UNC5C: variants seen among roughly 807,000 people sequenced by gnomAD.
UNC5C encodes the protein unc-5 netrin receptor C, also known as netrin receptor UNC5C.
In UNC5C, 47 loss-of-function variants were observed where a neutral mutation model predicts 99.8. The observed-to-expected ratio is 0.47, with a 90% CI of 0.37 to 0.60. UNC5C has a LOEUF of 0.60. Among genes scored for constraint, UNC5C ranks in the 20% least tolerant of loss-of-function variants. The pLI is 0.00. For missense variants in UNC5C, 1,062 were observed against 1,165.9 expected, an observed-to-expected ratio of 0.91 and a Z score of 1.30; for synonymous variants, 487 against 452.2, an observed-to-expected ratio of 1.08 and a Z score of -0.98.
intron 1 of UNC5C, among the ~76,000 whole-genome samples, chr4:95,378,598 A>C (rs1236533393): frequency 2.6e-5 from 4 of 152,210 alleles, no homozygotes; most frequent in African/African-American, 9.6e-5. Context: ...GTCCCAGTAC[A>C]TGGCATACCA....
intron 1 of UNC5C, among the ~76,000 whole-genome samples, chr4:95,432,123 T>C (rs1443771151): frequency 6.6e-6 from 1 of 152,142 alleles, no homozygotes; most frequent in Admixed American, 6.6e-5. Flanking sequence ...TCAAGTTTGG[T>C]TCTCCAATCA....
At chr4:95,297,035 G>C (rs987024663) in intron 3 of UNC5C, among the ~76,000 whole-genome samples, 2 of 152,120 alleles carry the variant, frequency 1.3e-5, no homozygotes, top group Non-Finnish European at 2.9e-5. Flanking sequence ...ACATGCTGGT[G>C]GGGTAGGGAG....
At chr4:95,350,884 A>T (rs1024614092) in intron 1 of UNC5C, among the ~76,000 whole-genome samples, 1 of 152,116 alleles carries the variant, frequency 6.6e-6, no homozygotes, top group African/African-American at 2.4e-5. Context: ...GCTGTGATTG[A>T]GACCACAATT....
intron 1 of UNC5C, among the ~76,000 whole-genome samples, chr4:95,464,734 T>C (rs113759722): frequency 7.9e-5 from 12 of 152,346 alleles, no homozygotes; most frequent in African/African-American, 2.9e-4. Flanking sequence ...TCTTATTTTC[T>C]TATCATGAGC....
chr4:95,335,272 A>G (rs1388622749), intron 2 of UNC5C, 138 bp downstream of exon 2: 1 of 801,036 alleles, frequency 1.2e-6, no homozygotes, highest in African/African-American at 1.7e-5. Flanking sequence ...ACCAAACCTT[A>G]ACCAAACCAA....
intron 4 of UNC5C, among the ~76,000 whole-genome samples, chr4:95,256,601 G>T (rs1305574888): frequency 6.6e-6 from 1 of 150,994 alleles, no homozygotes; most frequent in African/African-American, 2.4e-5. Flanking sequence ...AAACTCAACT[G>T]TCTATTTTCA....
At chr4:95,477,994 G>A (rs1196703911) in intron 1 of UNC5C, among the ~76,000 whole-genome samples, 2 of 151,576 alleles carry the variant, frequency 1.3e-5, no homozygotes, top group Non-Finnish European at 1.5e-5. Flanking sequence ...AAAGTGCTTC[G>A]AACAGTGCAT....
intron 1 of UNC5C, among the ~76,000 whole-genome samples, chr4:95,375,872 T>C (rs1744880212): frequency 6.6e-6 from 1 of 152,024 alleles, no homozygotes; most frequent in South Asian, 2.1e-4. Context: ...GGTCAGGAGA[T>C]TGAGACCATC....
chr4:95,296,849 T>G (rs1459141951), intron 3 of UNC5C, among the ~76,000 whole-genome samples: 1 of 152,368 alleles, frequency 6.6e-6, no homozygotes, highest in African/African-American at 2.4e-5. Context: ...AGTATTTTTC[T>G]TTATAATTAA....
intron 1 of UNC5C, among the ~76,000 whole-genome samples, chr4:95,547,377 C>T (rs1288581102): frequency 6.6e-6 from 1 of 152,146 alleles, no homozygotes; most frequent in Non-Finnish European, 1.5e-5. Flanking sequence ...CGCTCTCCTC[C>T]GCTTCCAACA....
chr4:95,378,728 A>T (rs1744974330), intron 1 of UNC5C, among the ~76,000 whole-genome samples: 1 of 152,204 alleles, frequency 6.6e-6, no homozygotes, highest in African/African-American at 2.4e-5. Context: ...ATGTGGTTTT[A>T]AAATCTTGAC....
At chr4:95,447,101 G>C (rs1162230342) in intron 1 of UNC5C, among the ~76,000 whole-genome samples, 1 of 152,092 alleles carries the variant, frequency 6.6e-6, no homozygotes, top group African/African-American at 2.4e-5. Flanking sequence ...TCATAATGTT[G>C]TATTTTATCT....
Position 95,312,283 on chromosome 4 carries a change from G to A in UNC5C, c.347-10534C>T, listed in dbSNP as rs887865312. On this transcript the variant is annotated intron_variant, in intron 2 of 15. Transcript: ENST00000453304. ...TACTAAGACTAGAGATAAAATAGTT[G>A]TTCATTGAGCATAGGCCCTGTCCTA... is the stretch of plus-strand genomic sequence containing the variant. Among the ~76,000 whole-genome samples the A allele has an allele frequency of 3.9e-5, 6 of 152,080 alleles. 1 individual carries two copies. The highest frequency in any genetic ancestry group is 3.9e-4 in the Admixed American group (6 of 15,258).
chr4:95,351,168 C>A (rs1323915503), intron 1 of UNC5C, among the ~76,000 whole-genome samples: 1 of 152,046 alleles, frequency 6.6e-6, no homozygotes, highest in African/African-American at 2.4e-5. Context: ...TGGACATTAG[C>A]CCTTGCTAAC....
chr4:95,479,251 AT>A, intron 1 of UNC5C, among the ~76,000 whole-genome samples: 1 of 152,040 alleles, frequency 6.6e-6, no homozygotes, highest in South Asian at 2.1e-4. Flanking sequence ...CAAATATTAT[AT>A]TCCATTAACT....
chr4:95,396,231 T>G (rs546868564), intron 1 of UNC5C, among the ~76,000 whole-genome samples: 21 of 152,146 alleles, frequency 1.4e-4, no homozygotes, highest in Non-Finnish European at 2.9e-4. Flanking sequence ...GAATTCAGGA[T>G]ATGTTGCTCA....
intron 4 of UNC5C, among the ~76,000 whole-genome samples, chr4:95,254,634 A>G (rs1739885457): frequency 6.6e-6 from 1 of 152,222 alleles, no homozygotes; most frequent in South Asian, 2.1e-4. Context: ...TTACCAAATC[A>G]AAATATGCAT....
intron 1 of UNC5C, among the ~76,000 whole-genome samples, chr4:95,376,002 G>C (rs1744884928): frequency 2.0e-5 from 3 of 151,976 alleles, no homozygotes; most frequent in Non-Finnish European, 2.9e-5. Flanking sequence ...GCAGTGAGCC[G>C]AGATCATGCC....
rs897801530 is a variant in UNC5C at position 95,163,833 on chromosome 4, A to ACAGGTC, written c.*5395_*5400dup. On this transcript the variant is annotated 3_prime_UTR_variant, in exon 16 of 16. Transcript: ENST00000453304. ...ACCTGGGATTCCAGAAGATCTCTGG[A>ACAGGTC]CAGGTCCCTTCAGTAGGCAAGCGTC... 1 of 152,178 alleles carries ACAGGTC rather than the reference A, an allele frequency of 6.6e-6. No homozygotes were observed. Among genetic ancestry groups the ACAGGTC allele is most frequent in the African/African-American group, 2.4e-5 (1 of 41,426 alleles). The allele number at this position is 152,178 out of a possible 1,614,324, so 9.4% of individuals were successfully genotyped here.
Sources: gnomAD v4.1 joint callset for allele counts (sites outside exome capture counted in the v4.1 genomes callset) on GRCh38, gnomAD v4.1.1 for gene constraint, MANE v1.5 for transcripts, NCBI Gene and HGNC (gene_info 2026-07-23, HGNC 2026-07-21) for gene names.